PCDHA4: variants seen among roughly 807,000 people sequenced by gnomAD.
PCDHA4 encodes protocadherin alpha-4.
Under a neutral mutation model 61.4 loss-of-function variants are expected in PCDHA4, and 49 were observed. That is an observed-to-expected ratio of 0.80 (90% CI 0.63 to 1.01). The LOEUF (loss-of-function observed/expected upper bound fraction) is 1.01. Ranked by LOEUF, PCDHA4 falls within the 50% of genes least tolerant of loss-of-function variation. The pLI, the probability that PCDHA4 is intolerant of heterozygous loss-of-function variation, is 0.00. For missense variants in PCDHA4, 1,254 were observed against 1,235.8 expected (o/e 1.01, Z -0.22); for synonymous variants, 590 against 550.3 (o/e 1.07, Z -1.01).
intron 1 of PCDHA4, chr5:140,852,492 G>T (rs972287680): frequency 4.6e-6 from 1 of 217,062 alleles, no homozygotes; most frequent in Non-Finnish European, 8.5e-6. Context: ...TGGCCAGGTT[G>T]GTCTCGAACT....
chr5:140,843,519 G>C (rs1392443820), intron 1 of PCDHA4: 3 of 1,595,904 alleles, frequency 1.9e-6, no homozygotes, highest in Non-Finnish European at 2.6e-6. Context: ...GGCGGGTGCC[G>C]GGCGGGCAAG....
At chr5:140,841,950 T>C (rs1580983640) in intron 1 of PCDHA4, 1 of 1,613,892 alleles carries the variant, frequency 6.2e-7, no homozygotes. Context: ...GCGCACCACT[T>C]ATTCCTGACA....
intron 1 of PCDHA4, chr5:140,877,194 A>G (rs1350324855): frequency 1.2e-6 from 2 of 1,613,646 alleles, no homozygotes; most frequent in Non-Finnish European, 1.7e-6. Context: ...GCAGCGCAGG[A>G]GGCGCAGTTA....
intron 1 of PCDHA4, chr5:140,869,708 G>C: frequency 9.3e-6 from 15 of 1,613,408 alleles, no homozygotes; most frequent in Non-Finnish European, 1.3e-5. Flanking sequence ...TCTCTGGATA[G>C]AGAGAAAACT....
chr5:140,835,837 A>C, intron 1 of PCDHA4: 1 of 1,612,374 alleles, frequency 6.2e-7, no homozygotes, highest in Non-Finnish European at 8.5e-7. Context: ...GCGGACGCGC[A>C]GAAGAACGCG....
At chr5:140,927,158 C>G in intron 1 of PCDHA4, 1 of 1,614,166 alleles carries the variant, frequency 6.2e-7, no homozygotes, top group Non-Finnish European at 8.5e-7. Context: ...CTGTGCAGGG[C>G]CAAAGCTGCC....
chr5:140,901,852 T>G (rs1184166361), intron 1 of PCDHA4, among the ~76,000 whole-genome samples: 3 of 152,206 alleles, frequency 2.0e-5, no homozygotes, highest in Non-Finnish European at 4.4e-5. Flanking sequence ...TCTTTCCATT[T>G]TTTTGTGTCC....
chr5:140,902,885 T>C (rs2069815301), intron 1 of PCDHA4, among the ~76,000 whole-genome samples: 1 of 152,238 alleles, frequency 6.6e-6, no homozygotes, highest in Admixed American at 6.5e-5. Context: ...CTGCAAAAGC[T>C]ATTATTTTAT....
chr5:140,849,912 C>T (rs1318290193), intron 1 of PCDHA4: 4 of 1,598,150 alleles, frequency 2.5e-6, no homozygotes, highest in Admixed American at 1.7e-5. Context: ...GCCGGGCTGC[C>T]ACATCTTCAC....
chr5:140,842,441 G>T (rs1554139039), intron 1 of PCDHA4: 3 of 1,613,636 alleles, frequency 1.9e-6, no homozygotes, highest in Non-Finnish European at 2.5e-6. Flanking sequence ...CCTAATTAGC[G>T]TGAACGACCT....
At chr5:140,927,672 A>G in intron 1 of PCDHA4, 1 of 1,614,202 alleles carries the variant, frequency 6.2e-7, no homozygotes, top group Non-Finnish European at 8.5e-7. Flanking sequence ...CCTTGGATCC[A>G]GATGAAGGGT....
intron 1 of PCDHA4, chr5:140,881,246 G>A (rs1006093115): frequency 4.8e-6 from 2 of 415,054 alleles, no homozygotes; most frequent in Non-Finnish European, 6.5e-6. Flanking sequence ...TTAAATGACG[G>A]CAAGGTTTTA....
intron 1 of PCDHA4, chr5:140,869,457 T>C: frequency 6.2e-7 from 1 of 1,614,184 alleles, no homozygotes. Context: ...AGGTTTTCCA[T>C]GTGAACGTGG....
intron 1 of PCDHA4, chr5:140,823,355 T>C (rs951193537): frequency 1.2e-6 from 2 of 1,612,432 alleles, no homozygotes; most frequent in South Asian, 1.1e-5. Context: ...CACGAGGAAG[T>C]GGAGCTGCTG....
intron 1 of PCDHA4, chr5:140,926,768 C>T: frequency 2.2e-6 from 3 of 1,361,764 alleles, no homozygotes; most frequent in Non-Finnish European, 2.9e-6. Context: ...GTATCCAGCC[C>T]GCAGCAGTGA....
intron 1 of PCDHA4, chr5:140,857,836 G>T: frequency 6.3e-7 from 1 of 1,597,926 alleles, no homozygotes; most frequent in Non-Finnish European, 8.6e-7. Context: ...TGCGCGCAGT[G>T]GACGCTGACT....
At chr5:140,817,419 A>T (rs2150098151) in intron 1 of PCDHA4, 7 of 152,168 alleles carry the variant, frequency 4.6e-5, no homozygotes, top group Non-Finnish European at 1.0e-4. Flanking sequence ...GAGTTGGTAT[A>T]CCTGTGGAGG....
chr5:140,921,101 C>T (rs1331761775), intron 1 of PCDHA4, among the ~76,000 whole-genome samples: 3 of 152,002 alleles, frequency 2.0e-5, no homozygotes, highest in African/African-American at 4.8e-5. Context: ...CTGCCTCAGT[C>T]TCCTAAGTAG....
chr5:140,865,517 T>C (rs1562593227), intron 1 of PCDHA4: 1 of 152,232 alleles, frequency 6.6e-6, no homozygotes, highest in African/African-American at 2.4e-5. Context: ...TTTATGGTGC[T>C]GGAATTCTCT....
Sources: gnomAD v4.1 joint callset for allele counts (sites outside exome capture counted in the v4.1 genomes callset) on GRCh38, gnomAD v4.1.1 for gene constraint, MANE v1.5 for transcripts, NCBI Gene and HGNC (gene_info 2026-07-23, HGNC 2026-07-21) for gene names.